The following COL4A3 variants were observed in gnomAD, a reference collection of about 807,000 sequenced individuals.
The protein encoded by COL4A3 is collagen alpha-3(IV) chain.
COL4A3 carries 135 observed loss-of-function variants against 217.4 expected under a neutral mutation model. The observed-to-expected ratio is 0.62, with a 90% confidence interval of 0.54 to 0.72. The LOEUF (loss-of-function observed/expected upper bound fraction) is 0.72. COL4A3 is among the 30% of genes least tolerant of loss of function. The pLI is 0.00. For synonymous variants in COL4A3, 690 were observed against 736.3 expected (o/e 0.94, Z 1.02); for missense variants, 1,868 against 2,119.9 (o/e 0.88, Z 2.33).
chr2:227,214,487 A>G (rs2067451802), intron 1 of COL4A3, among the ~76,000 whole-genome samples: 2 of 152,260 alleles, frequency 1.3e-5, no homozygotes, highest in South Asian at 2.1e-4. Flanking sequence ...TTGCATTTTC[A>G]TAACAGCTTA....
At chr2:227,195,667 A>ATATATGTG (rs1226857286) in intron 1 of COL4A3, among the ~76,000 whole-genome samples, 15 of 139,892 alleles carry the variant, frequency 1.1e-4, no homozygotes, top group African/African-American at 4.1e-4. Flanking sequence ...ATATATATAT[A>ATATATGTG]TGTGTGTGTG....
chr2:227,248,470 G>A lies in COL4A3; in HGVS notation c.496G>A (p.Glu166Lys). The change falls in exon 9 of 52, where the codon GAA (glutamate) becomes AAA (lysine). Residue 166 changes from glutamate (E) to lysine (K), a missense_variant. By Grantham distance (56) the Glu-to-Lys change is moderately conservative. Transcript: ENST00000396578. ...TGCTCCTGCTAAAGAAGAAGATATA[G>A]AACTTGATGCAAAAGGCGACCCCGG... ...KGAPAKEEDI[E>K]LDAKGDPGLP... 1 of 1,612,976 alleles carries A rather than the reference G, an allele frequency of 6.2e-7. No homozygotes were observed.
chr2:227,304,258 TG>T, intron 46 of COL4A3, 114 bp downstream of exon 46: 1 of 1,388,140 alleles, frequency 7.2e-7, no homozygotes, highest in South Asian at 1.2e-5. Flanking sequence ...AACATGATAG[TG>T]GTTTTCACAA....
intron 3 of COL4A3, among the ~76,000 whole-genome samples, chr2:227,240,977 T>G (rs1395070439): frequency 1.3e-5 from 2 of 152,114 alleles, no homozygotes; most frequent in African/African-American, 4.8e-5. Context: ...ATCGCTCTCC[T>G]CTCCTTGAAA....
At chr2:227,170,132 A>G (rs1437510982) in intron 1 of COL4A3, among the ~76,000 whole-genome samples, 1 of 152,230 alleles carries the variant, frequency 6.6e-6, no homozygotes, top group African/African-American at 2.4e-5. Context: ...AAGTATAAAC[A>G]CATGGATGGT....
chr2:227,255,893 C>G (rs1490630521), intron 15 of COL4A3, 133 bp from the exon 16 acceptor site: 4 of 857,630 alleles, frequency 4.7e-6, no homozygotes, highest in Non-Finnish European at 1.9e-6. Flanking sequence ...CTTCTAACAC[C>G]TGGGTGAAGA....
At position 227,253,318 on chromosome 2, in the gene COL4A3, T is replaced by C. The variant is rs772407219; in HGVS notation, c.668T>C (p.Ile223Thr). The C allele has an allele frequency of 1.1e-5, 17 of 1,613,780 alleles. No homozygotes were observed. The highest frequency in any genetic ancestry group is 5.0e-5 in the Admixed American group (3 of 59,998). ...GPKGHMGERV[I>T]GHKGERGVKG... is the part of the protein sequence containing the mutation. ...CAGGGTCACATGGGTGAAAGAGTGA[T>C]AGGACATAAAGGAGAGCGGGTAATT... is the stretch of plus-strand genomic sequence containing the variant. Residue 223 changes from isoleucine (I) to threonine (T), a missense_variant, in exon 12 of 52, where the codon ATA becomes ACA. Ile to Thr is a moderately conservative substitution (Grantham distance 89). Transcript: ENST00000396578. This position sits in a 1 kb window ranked among gnomAD's most constrained non-coding sequence, Gnocchi z 4.4.
At position 227,287,068 on chromosome 2, in the gene COL4A3, CT is replaced by C. The variant is rs143768948; in HGVS notation, c.2882-2080del. Among the ~76,000 whole-genome samples the C allele has an allele frequency of 5.5e-3, 836 of 152,322 alleles. 11 individuals carry two copies. The highest frequency in any genetic ancestry group is 0.019 in the African/African-American group (772 of 41,562). On this transcript the variant is annotated intron_variant, in intron 34 of 51. Transcript: ENST00000396578. ...TCCATTTAGGCTAGGTAGTAAGTATCTTACGCTTTGTGGCTCACATATGGTC... is the reference window on the plus strand; with the variant it reads ...TCCATTTAGGCTAGGTAGTAAGTATCTACGCTTTGTGGCTCACATATGGTC...
At position 227,307,162 on chromosome 2, in the gene COL4A3, G is replaced by GA. The variant is rs201808831; in HGVS notation, c.4253-539dup. Among the ~76,000 whole-genome samples the GA allele has an allele frequency of 4.8e-3, 716 of 149,114 alleles. 4 individuals carry two copies. Among genetic ancestry groups the GA allele is most frequent in the Middle Eastern group, 0.017 (5 of 290 alleles). ...TAAATAAACTAACCCTTATTACAGT[G>GA]AAAAAAAAAGCCTTCTCTTCTTACT... is the stretch of plus-strand genomic sequence containing the variant. On this transcript the variant is annotated intron_variant, in intron 47 of 51. Coordinates refer to ENST00000396578, the MANE Select transcript of COL4A3 (RefSeq NM_000091.5).
Position 227,164,737 on chromosome 2 carries a change from G to T in COL4A3, c.11G>T (p.Arg4Leu). 3 of 1,529,922 alleles carry T rather than the reference G, an allele frequency of 2.0e-6. No homozygotes were observed. Among genetic ancestry groups the T allele is most frequent in the East Asian group, 2.5e-5 (1 of 40,502 alleles). The allele number at this position is 1,529,922 out of a possible 1,614,324, so 94.8% of individuals were successfully genotyped here. The change falls in exon 1 of 52, where the codon CGG becomes CTG. Residue 4 changes from arginine to leucine, a missense_variant. By Grantham distance (102) the Arg-to-Leu change is moderately radical (BLOSUM62 -2). Around this residue, in one of 2 missense-constraint regions of COL4A3, gnomAD observed 365 missense variants for 333.8 expected, o/e 1.09. Transcript: ENST00000396578. This position sits in a 1 kb window ranked among gnomAD's most constrained non-coding sequence, Gnocchi z 4.8. ...GAGCGCGCGCCCACCATGAGCGCCCGGACCGCCCCCAGGCCGCAGGTGCTC... is the reference window on the plus strand; with the variant it reads ...GAGCGCGCGCCCACCATGAGCGCCCTGACCGCCCCCAGGCCGCAGGTGCTC... MSA[R>L]TAPRPQVLLL... is the part of the protein sequence containing the mutation.
At position 227,166,315 on chromosome 2, in the gene COL4A3, G is replaced by C. The variant is rs185996796; in HGVS notation, c.87+1502G>C. On this transcript the variant is annotated intron_variant, in intron 1 of 51. Coordinates refer to ENST00000396578, the MANE Select transcript of COL4A3 (RefSeq NM_000091.5). ...TACTAGGCATGATAGATAAAACTCA[G>C]TGGGGATTATCTACCAGCTTTAACC... Among the ~76,000 whole-genome samples, 7 of 152,328 alleles carry C rather than the reference G, an allele frequency of 4.6e-5. No individual in the cohort carries two copies. In the East Asian group the frequency reaches 1.2e-3, roughly 25 times the overall value.
intron 1 of COL4A3, among the ~76,000 whole-genome samples, chr2:227,230,947 A>G (rs1196806181): frequency 6.6e-6 from 1 of 152,236 alleles, no homozygotes; most frequent in Non-Finnish European, 1.5e-5. Context: ...CATGTCAGCA[A>G]CATTGTCATG....
chr2:227,219,592 G>A (rs1297734558), intron 1 of COL4A3, among the ~76,000 whole-genome samples: 1 of 152,172 alleles, frequency 6.6e-6, no homozygotes, highest in Admixed American at 6.5e-5. Flanking sequence ...TATTCCCAGA[G>A]ATGTAGCTTA....
chr2:227,292,604 G>A (rs573284455), intron 37 of COL4A3, among the ~76,000 whole-genome samples: 25 of 152,234 alleles, frequency 1.6e-4, no homozygotes, highest in East Asian at 3.9e-4. Flanking sequence ...CGGGTTTGTC[G>A]TAAAACTGAA....
intron 1 of COL4A3, among the ~76,000 whole-genome samples, chr2:227,183,933 T>C (rs1186665880): frequency 1.3e-5 from 2 of 152,216 alleles, no homozygotes; most frequent in East Asian, 3.9e-4. Context: ...GTACCTTGAT[T>C]CTCACAACAG....
At chr2:227,192,833 A>G (rs1016228663) in intron 1 of COL4A3, among the ~76,000 whole-genome samples, 1 of 152,176 alleles carries the variant, frequency 6.6e-6, no homozygotes, top group Non-Finnish European at 1.5e-5. Context: ...TTCTATAGTG[A>G]AGAAAATTTT....
chr2:227,210,200 T>G (rs1489083931), intron 1 of COL4A3, among the ~76,000 whole-genome samples: 1 of 152,232 alleles, frequency 6.6e-6, no homozygotes, highest in African/African-American at 2.4e-5. Flanking sequence ...CCAAAGCATC[T>G]TTGTAGGTGC....
chr2:227,298,002 C>A, intron 42 of COL4A3, 143 bp downstream of exon 42: 1 of 963,036 alleles, frequency 1.0e-6, no homozygotes, highest in Non-Finnish European at 1.6e-6. Context: ...GGTTCCCATA[C>A]CCAGCAGTTG....
At chr2:227,185,995 A>G (rs1388505696) in intron 1 of COL4A3, among the ~76,000 whole-genome samples, 2 of 152,202 alleles carry the variant, frequency 1.3e-5, no homozygotes, top group Non-Finnish European at 2.9e-5. Flanking sequence ...GGCTACTGGA[A>G]GTGTCCAGAT....
Sources: allele counts gnomAD v4.1 joint callset (sites outside exome capture counted in the v4.1 genomes callset), GRCh38; gene constraint gnomAD v4.1.1; regional missense constraint gnomAD v4.1.1; non-coding constraint Gnocchi (gnomAD v3.1); transcripts MANE v1.5; gene names NCBI Gene and HGNC (gene_info 2026-07-23, HGNC 2026-07-21).